Variants in POT1 observed in about 807,000 individuals in gnomAD.
The protein encoded by POT1 is protection of telomeres 1.
Under a neutral mutation model 78.5 loss-of-function variants are expected in POT1, and 47 were observed. That is an observed-to-expected ratio of 0.60 (90% confidence interval 0.47 to 0.76). The LOEUF (loss-of-function observed/expected upper bound fraction) is 0.76, where lower values mean the gene tolerates loss of function less well. Among genes scored for constraint, POT1 ranks in the 30% least tolerant of loss-of-function variants. The pLI is 0.00. For missense variants in POT1, 646 were observed against 749.9 expected, an observed-to-expected ratio of 0.86 and a Z score of 1.62; for synonymous variants, 259 against 260.7, an observed-to-expected ratio of 0.99 and a Z score of 0.06.
rs145011405 is a variant in POT1, at chr7:124,846,909, T to C, written c.1006+33A>G. ...AGGCAGACTTTATTATGCTCATTAC[T>C]GTGCCCATCTCAAAAATGATACATA... On this transcript the variant is annotated intron_variant, in intron 12 of 18. Coordinates refer to ENST00000357628, the MANE Select transcript of POT1 (RefSeq NM_015450.3). 207 of 1,449,358 alleles carry C rather than the reference T, an allele frequency of 1.4e-4. No individual in the cohort carries two copies. In the African/African-American group the frequency reaches 2.5e-3, roughly 18 times the overall value. The allele number at this position is 1,449,358 out of a possible 1,614,324, so 89.8% of individuals were successfully genotyped here.
intron 5 of POT1, among the ~76,000 whole-genome samples, chr7:124,896,524 T>C (rs948560977): frequency 6.6e-6 from 1 of 151,676 alleles, no homozygotes; most frequent in Non-Finnish European, 1.5e-5. Context: ...TCCTGAATTC[T>C]GTCCATTTGA....
At chr7:124,889,890 A>T (rs1171476708) in intron 6 of POT1, among the ~76,000 whole-genome samples, 1 of 152,010 alleles carries the variant, frequency 6.6e-6, no homozygotes, top group African/African-American at 2.4e-5. Flanking sequence ...GAGATGTTCA[A>T]GATCAATGTT....
At chr7:124,912,294 A>G (rs996494976) in intron 3 of POT1, among the ~76,000 whole-genome samples, 4 of 151,960 alleles carry the variant, frequency 2.6e-5, no homozygotes, top group Admixed American at 2.0e-4. Flanking sequence ...ACTCCAAGTC[A>G]CACCTGCTGG....
chr7:124,907,586 T>C (rs1282581990), intron 3 of POT1, among the ~76,000 whole-genome samples: 1 of 152,112 alleles, frequency 6.6e-6, no homozygotes, highest in Non-Finnish European at 1.5e-5. Flanking sequence ...TAATGATAGA[T>C]ATATGTCAAA....
intron 3 of POT1, among the ~76,000 whole-genome samples, chr7:124,914,560 C>A (rs575877820): frequency 2.6e-5 from 4 of 152,250 alleles, no homozygotes; most frequent in African/African-American, 9.6e-5. Flanking sequence ...CCTGTATCTG[C>A]AAGTTTTGCA....
chr7:124,899,651 CAA>C (rs1262016159), intron 3 of POT1, among the ~76,000 whole-genome samples: 7 of 151,774 alleles, frequency 4.6e-5, no homozygotes, highest in Non-Finnish European at 1.0e-4. Flanking sequence ...AGATTTTAGT[CAA>C]AGATTTAAAG....
chr7:124,842,858 G>A lies in POT1; in HGVS notation c.1112C>T (p.Pro371Leu). 3 of 1,609,158 alleles carry A rather than the reference G, an allele frequency of 1.9e-6. No individual in the cohort carries two copies. The highest frequency in any genetic ancestry group is 2.5e-6 in the Non-Finnish European group (3 of 1,178,674). The change falls in exon 13 of 19, where the codon CCC becomes CTC. Residue 371 changes from proline (P) to leucine (L), a missense_variant. Physicochemically the swap from Pro to Leu is moderately conservative, Grantham distance 98. Transcript: ENST00000357628. ...RIRAKLRSYK[P>L]RRLFQSVKLH... is the part of the protein sequence containing the mutation. Reference sequence around the variant, plus strand: ...TTTAACAGACTGAAATAGTCTTCTGGGCTTATATGACCTCAATTTTGCTCG... The same window carrying A: ...TTTAACAGACTGAAATAGTCTTCTGAGCTTATATGACCTCAATTTTGCTCG...
chr7:124,857,573 G>A (rs1795476734), intron 9 of POT1, among the ~76,000 whole-genome samples: 1 of 152,220 alleles, frequency 6.6e-6, no homozygotes, highest in African/African-American at 2.4e-5. Context: ...ACTATGGCTG[G>A]ATGTCAGAGA....
At chr7:124,925,294 A>G (rs1797247278) in intron 2 of POT1, among the ~76,000 whole-genome samples, 1 of 152,106 alleles carries the variant, frequency 6.6e-6, no homozygotes, top group East Asian at 1.9e-4. Context: ...AAAAATCAGT[A>G]ATGTTTCTAT....
intron 11 of POT1, among the ~76,000 whole-genome samples, chr7:124,850,742 A>AAAAC (rs769658710): frequency 6.0e-4 from 91 of 152,024 alleles, no homozygotes; most frequent in African/African-American, 1.7e-3. Flanking sequence ...AAAAAAAAAC[A>AAAAC]AAACAAACAA....
At chr7:124,888,349 T>A (rs536732541) in intron 6 of POT1, among the ~76,000 whole-genome samples, 1 of 152,222 alleles carries the variant, frequency 6.6e-6, no homozygotes, top group Non-Finnish European at 1.5e-5. Context: ...GGCAGTACCA[T>A]ACTGTCGCAA....
chr7:124,896,629 A>T (rs928759549), intron 5 of POT1, among the ~76,000 whole-genome samples: 1 of 151,788 alleles, frequency 6.6e-6, no homozygotes, highest in Non-Finnish European at 1.5e-5. Flanking sequence ...ACTCGGCTAC[A>T]AGTAGACTAT....
chr7:124,854,631 T>TTCCCAACCA (rs1795398787), intron 9 of POT1, among the ~76,000 whole-genome samples: 1 of 151,958 alleles, frequency 6.6e-6, no homozygotes, highest in African/African-American at 2.4e-5. Context: ...TCAAGGGTTT[T>TTCCCAACCA]ATAAGGAGCA....
intron 3 of POT1, among the ~76,000 whole-genome samples, chr7:124,900,427 C>G (rs906700877): frequency 6.6e-6 from 1 of 152,116 alleles, no homozygotes; most frequent in African/African-American, 2.4e-5. Flanking sequence ...CTCTCCTATA[C>G]AGCGTTTTAG....
At chr7:124,912,132 A>T (rs935584028) in intron 3 of POT1, among the ~76,000 whole-genome samples, 1 of 152,128 alleles carries the variant, frequency 6.6e-6, no homozygotes, top group African/African-American at 2.4e-5. Flanking sequence ...AATGACAATA[A>T]TAATAGTTGC....
intron 2 of POT1, among the ~76,000 whole-genome samples, chr7:124,919,648 C>T (rs893668801): frequency 1.3e-5 from 2 of 152,036 alleles, no homozygotes; most frequent in African/African-American, 4.8e-5. Flanking sequence ...GAAGACACAG[C>T]GAGAAGGTGA....
chr7:124,917,602 A>C (rs1409597986), intron 2 of POT1, among the ~76,000 whole-genome samples: 1 of 152,196 alleles, frequency 6.6e-6, no homozygotes, highest in Non-Finnish European at 1.5e-5. Context: ...AGGCATACAA[A>C]AGAGGCAAGA....
chr7:124,888,722 C>T (rs1044979406), intron 6 of POT1, among the ~76,000 whole-genome samples: 2 of 152,004 alleles, frequency 1.3e-5, no homozygotes, highest in South Asian at 4.1e-4. Context: ...GTAATCCTCA[C>T]AATACTTCAG....
Position 124,852,313 on chromosome 7 carries a change from T to C in POT1, c.870-362A>G, listed in dbSNP as rs369606897. ...AGTAATAAAACAGAAGCTAATTTAA[T>C]GTCACACTAATTCCAATGAATTAAA... On this transcript the variant is annotated intron_variant, in intron 10 of 18. Coordinates refer to ENST00000357628, the MANE Select transcript of POT1 (RefSeq NM_015450.3). Among the ~76,000 whole-genome samples, 191 of 152,320 alleles carry C rather than the reference T, an allele frequency of 1.3e-3. 3 individuals are homozygous for C. In the South Asian group the frequency reaches 0.031, roughly 24 times the overall value.
Sources: allele counts gnomAD v4.1 joint callset (sites outside exome capture counted in the v4.1 genomes callset), GRCh38; gene constraint gnomAD v4.1.1; transcripts MANE v1.5; gene names NCBI Gene and HGNC (gene_info 2026-07-23, HGNC 2026-07-21).